ADGRL3: variants seen among roughly 807,000 people sequenced by gnomAD.
The protein encoded by ADGRL3 is calcium-independent alpha-latrotoxin receptor 3.
ADGRL3 carries 62 observed loss-of-function variants against 153.5 expected under a neutral mutation model. The observed-to-expected ratio is 0.40, with a 90% CI of 0.33 to 0.50. The LOEUF (loss-of-function observed/expected upper bound fraction) is 0.50, where lower values mean the gene tolerates loss of function less well. Among genes scored for constraint, ADGRL3 ranks in the 20% least tolerant of loss-of-function variants. The probability of loss-of-function intolerance (pLI) is 0.47; values close to 1 mark genes in which losing one functional copy is unlikely to be tolerated. For missense variants in ADGRL3, 1,641 were observed against 1,859.4 expected (o/e 0.88, Z 2.16); for synonymous variants, 710 against 672.5 (o/e 1.06, Z -0.86).
chr4:61,770,398 C>G (rs530427496), intron 8 of ADGRL3, among the ~76,000 whole-genome samples: 1 of 152,004 alleles, frequency 6.6e-6, no homozygotes, highest in South Asian at 2.1e-4. Context: ...AAAGATCACC[C>G]GCAGGTCCTA....
chr4:61,695,369 C>G (rs2095622010), intron 6 of ADGRL3, among the ~76,000 whole-genome samples: 2 of 152,160 alleles, frequency 1.3e-5, no homozygotes, highest in Admixed American at 1.3e-4. Context: ...ACATTATCAT[C>G]AGAGGTTTAA....
chr4:61,934,713 G>A (rs756123413), intron 13 of ADGRL3, 127 bp from the exon 14 acceptor site: 138 of 624,988 alleles, frequency 2.2e-4, no homozygotes, highest in Non-Finnish European at 3.4e-4. Context: ...CACAGGGGAG[G>A]CTGGGACAAT....
intron 4 of ADGRL3, among the ~76,000 whole-genome samples, chr4:61,528,423 A>G (rs2098588563): frequency 6.6e-6 from 1 of 152,076 alleles, no homozygotes; most frequent in South Asian, 2.1e-4. Flanking sequence ...AGAACAGAGG[A>G]TATATCTTTC....
chr4:61,749,578 A>T (rs1159034793), intron 8 of ADGRL3, among the ~76,000 whole-genome samples: 1 of 152,152 alleles, frequency 6.6e-6, no homozygotes, highest in Non-Finnish European at 1.5e-5. Flanking sequence ...ATGAAATTGG[A>T]AATCATCATT....
At chr4:61,373,157 C>A (rs192588603) in intron 1 of ADGRL3, among the ~76,000 whole-genome samples, 2 of 152,260 alleles carry the variant, frequency 1.3e-5, no homozygotes, top group South Asian at 4.2e-4. Context: ...GAACCCGGTA[C>A]CTCAGATGGA....
chr4:61,583,797 T>A (rs1212019143), intron 4 of ADGRL3: 2 of 512,174 alleles, frequency 3.9e-6, no homozygotes, highest in African/African-American at 3.9e-5. Context: ...ACCTAATAGA[T>A]GACACTGTGT....
intron 1 of ADGRL3, among the ~76,000 whole-genome samples, chr4:61,346,183 T>A (rs2095899935): frequency 6.6e-6 from 1 of 151,896 alleles, no homozygotes; most frequent in Non-Finnish European, 1.5e-5. Flanking sequence ...GAAGGAACAT[T>A]TAAGCCCAAA....
chr4:61,905,693 G>A lies in ADGRL3; in HGVS notation c.1888-3867G>A, dbSNP rs913636808. ...GCAGATGGCTTGAGATCAGGAGTTCGAGACCAGCCTGGCCAAAATGGCAAA... is the reference window on the plus strand; with the variant it reads ...GCAGATGGCTTGAGATCAGGAGTTCAAGACCAGCCTGGCCAAAATGGCAAA... On this transcript the variant is annotated intron_variant, in intron 11 of 26. Coordinates refer to ENST00000683033, the MANE Select transcript of ADGRL3 (RefSeq NM_001387552.1). Among the ~76,000 whole-genome samples, 5 of 152,080 alleles carry A rather than the reference G, an allele frequency of 3.3e-5. No homozygotes were observed. In the East Asian group the frequency reaches 9.7e-4, roughly 30 times the overall value.
chr4:62,037,073 T>A (rs1725423266), intron 23 of ADGRL3, among the ~76,000 whole-genome samples: 1 of 152,114 alleles, frequency 6.6e-6, no homozygotes, highest in African/African-American at 2.4e-5. Context: ...GATTATTGAG[T>A]AGAACTATTT....
At chr4:61,451,452 T>A (rs10009335) in intron 2 of ADGRL3, among the ~76,000 whole-genome samples, 1 of 151,966 alleles carries the variant, frequency 6.6e-6, no homozygotes, top group African/African-American at 2.4e-5. Context: ...TGTTGAATGC[T>A]AATAGATTGA....
chr4:61,795,611 T>C (rs2097400942), intron 8 of ADGRL3, among the ~76,000 whole-genome samples: 1 of 152,196 alleles, frequency 6.6e-6, no homozygotes, highest in Non-Finnish European at 1.5e-5. Context: ...AATGAGTCAC[T>C]TTTCCAGCTT....
chr4:61,417,500 C>T (rs2097156889), intron 2 of ADGRL3, among the ~76,000 whole-genome samples: 1 of 148,592 alleles, frequency 6.7e-6, no homozygotes, highest in African/African-American at 2.5e-5. Flanking sequence ...AAAACAAAAA[C>T]GAAAAAAAAC....
intron 1 of ADGRL3, among the ~76,000 whole-genome samples, chr4:61,215,509 G>GT (rs1213784008): frequency 2.8e-5 from 4 of 144,316 alleles, no homozygotes; most frequent in African/African-American, 1.0e-4. Context: ...TTACATGGCA[G>GT]TTTTGTAGCA....
chr4:61,488,129 C>A (rs1291705342), intron 2 of ADGRL3, among the ~76,000 whole-genome samples: 1 of 151,902 alleles, frequency 6.6e-6, no homozygotes, highest in Non-Finnish European at 1.5e-5. Flanking sequence ...CAAAAAATAG[C>A]AATGTTCATT....
At chr4:61,286,868 C>T (rs1273385829) in intron 1 of ADGRL3, among the ~76,000 whole-genome samples, 1 of 151,748 alleles carries the variant, frequency 6.6e-6, no homozygotes, top group East Asian at 1.9e-4. Flanking sequence ...CATTTCTTTT[C>T]TTAGAGGTCA....
chr4:61,931,120 C>G (rs2098815733), intron 13 of ADGRL3, among the ~76,000 whole-genome samples: 1 of 152,088 alleles, frequency 6.6e-6, no homozygotes, highest in South Asian at 2.1e-4. Context: ...TGTGCTGTCT[C>G]ACTAGCAGAA....
At chr4:61,821,288 A>G (rs2097753896) in intron 9 of ADGRL3, among the ~76,000 whole-genome samples, 1 of 151,794 alleles carries the variant, frequency 6.6e-6, no homozygotes, top group Non-Finnish European at 1.5e-5. Context: ...AAAAATTGAC[A>G]ATTATTGAAT....
At chr4:61,365,169 T>C (rs113587004) in intron 1 of ADGRL3, among the ~76,000 whole-genome samples, 32 of 152,126 alleles carry the variant, frequency 2.1e-4, no homozygotes, top group African/African-American at 6.5e-4. Context: ...TTAGCCAAAG[T>C]TGGTTCTCTA....
intron 25 of ADGRL3, among the ~76,000 whole-genome samples, chr4:62,058,766 A>G (rs552398942): frequency 3.0e-4 from 46 of 152,246 alleles, no homozygotes; most frequent in African/African-American, 1.1e-3. Flanking sequence ...TTTCGCAGCT[A>G]TTAGAAGGGA....
Sources: allele counts gnomAD v4.1 joint callset (sites outside exome capture counted in the v4.1 genomes callset), GRCh38; gene constraint gnomAD v4.1.1; transcripts MANE v1.5; gene names NCBI Gene and HGNC (gene_info 2026-07-23, HGNC 2026-07-21).